Variants in CNTN4 observed in about 807,000 individuals in gnomAD.
CNTN4 encodes contactin 4.
In CNTN4, 77 loss-of-function variants were observed where a neutral mutation model predicts 122.5. The observed-to-expected ratio is 0.63, with a 90% confidence interval of 0.52 to 0.76. CNTN4 has a LOEUF of 0.76. Among genes scored for constraint, CNTN4 ranks in the 30% least tolerant of loss-of-function variants. The pLI is 0.00. For synonymous variants in CNTN4, 512 were observed against 447.0 expected, an observed-to-expected ratio of 1.15 and a Z score of -1.83; for missense variants, 1,256 against 1,259.1, an observed-to-expected ratio of 1.00 and a Z score of 0.04.
rs75102136 is a variant in CNTN4, at chr3:2,844,573, C to A, written c.455-22179C>A. On this transcript the variant is annotated intron_variant, in intron 7 of 24. Coordinates refer to ENST00000418658, the MANE Select transcript of CNTN4 (RefSeq NM_175607.3). ...ACCCATATTATGTAATTGAGGGACA[C>A]CTACAGAAACGATCTCTTTCCCCTT... 3.3e-3 allele frequency among the ~76,000 whole-genome samples: 499 copies of A among 152,266 alleles called. 5 individuals carry two copies. The highest frequency in any genetic ancestry group is 0.012 in the African/African-American group (483 of 41,554).
chr3:2,985,831 A>G (rs1279194825), intron 13 of CNTN4, among the ~76,000 whole-genome samples: 1 of 152,212 alleles, frequency 6.6e-6, no homozygotes, highest in African/African-American at 2.4e-5. Flanking sequence ...AGGCTGATGT[A>G]ATTACTATAT....
chr3:2,220,966 C>T (rs1437348421), intron 2 of CNTN4, among the ~76,000 whole-genome samples: 1 of 152,046 alleles, frequency 6.6e-6, no homozygotes, highest in East Asian at 1.9e-4. Flanking sequence ...AATCTTGATG[C>T]ACATTAATAC....
At chr3:2,885,084 T>G (rs191334126) in intron 9 of CNTN4, among the ~76,000 whole-genome samples, 170 of 152,316 alleles carry the variant, frequency 1.1e-3, no homozygotes, top group Non-Finnish European at 2.1e-3. Flanking sequence ...ACAAATATAG[T>G]AGAGTTGATG....
At chr3:2,533,313 G>A (rs1157025020) in intron 3 of CNTN4, among the ~76,000 whole-genome samples, 4 of 151,730 alleles carry the variant, frequency 2.6e-5, no homozygotes, top group Non-Finnish European at 5.9e-5. Flanking sequence ...GCCCTGGTGT[G>A]TGATGTTCCT....
At chr3:2,222,575 C>G (rs1331795350) in intron 2 of CNTN4, among the ~76,000 whole-genome samples, 1 of 151,478 alleles carries the variant, frequency 6.6e-6, no homozygotes, top group Non-Finnish European at 1.5e-5. Context: ...GAATTGTATA[C>G]TTTGAAGGAG....
chr3:2,124,693 G>A (rs77717016), intron 2 of CNTN4, among the ~76,000 whole-genome samples: 1 of 152,056 alleles, frequency 6.6e-6, no homozygotes, highest in African/African-American at 2.4e-5. Context: ...AGGTTCCCTT[G>A]TGCCAGGAGG....
intron 3 of CNTN4, among the ~76,000 whole-genome samples, chr3:2,495,791 T>C (rs780048165): frequency 5.9e-5 from 9 of 152,206 alleles, no homozygotes; most frequent in Non-Finnish European, 1.2e-4. Context: ...TTGTCTTCCA[T>C]GAAACCAGTC....
At chr3:2,884,031 A>G (rs747074747) in intron 9 of CNTN4, among the ~76,000 whole-genome samples, 27 of 152,098 alleles carry the variant, frequency 1.8e-4, no homozygotes, top group Admixed American at 2.6e-4. Flanking sequence ...AGCCCCATCT[A>G]TCTGACGAAT....
At chr3:2,544,401 A>G (rs1208436275) in intron 3 of CNTN4, among the ~76,000 whole-genome samples, 1 of 152,144 alleles carries the variant, frequency 6.6e-6, no homozygotes, top group Non-Finnish European at 1.5e-5. Flanking sequence ...TGAATAGAAT[A>G]TTGCCCAGTC....
At chr3:2,524,481 G>C (rs915349687) in intron 3 of CNTN4, among the ~76,000 whole-genome samples, 1 of 152,088 alleles carries the variant, frequency 6.6e-6, no homozygotes, top group Non-Finnish European at 1.5e-5. Context: ...ATACACCTAG[G>C]AGTGGAATTG....
intron 2 of CNTN4, among the ~76,000 whole-genome samples, chr3:2,260,735 T>TTC (rs1553611211): frequency 6.7e-6 from 1 of 149,400 alleles, no homozygotes; most frequent in Non-Finnish European, 1.5e-5. Context: ...TTTATTTATT[T>TTC]TTTTTTTGAG....
At chr3:2,685,524 A>T (rs575319587) in intron 4 of CNTN4, among the ~76,000 whole-genome samples, 1 of 152,308 alleles carries the variant, frequency 6.6e-6, no homozygotes, top group Admixed American at 6.5e-5. Context: ...AGAAAAATTG[A>T]AGGGTCCTTC....
intron 14 of CNTN4, among the ~76,000 whole-genome samples, chr3:3,015,644 G>C (rs986403995): frequency 3.9e-5 from 6 of 152,130 alleles, no homozygotes; most frequent in African/African-American, 1.2e-4. Flanking sequence ...CAGAAAAAGA[G>C]GGACACTCTC....
chr3:2,147,630 C>T (rs1401659646), intron 2 of CNTN4, among the ~76,000 whole-genome samples: 1 of 152,154 alleles, frequency 6.6e-6, no homozygotes, highest in Non-Finnish European at 1.5e-5. Context: ...GTCAGTGCTT[C>T]AATCCCATTA....
chr3:3,008,319 C>G (rs904736699), intron 14 of CNTN4, among the ~76,000 whole-genome samples: 1 of 152,108 alleles, frequency 6.6e-6, no homozygotes, highest in Admixed American at 6.5e-5. Context: ...CGTTAGGCCA[C>G]AGAACACGAA....
rs557588373 is a variant in CNTN4 at position 2,889,023 on chromosome 3, A to G, written c.940+1799A>G. Among the ~76,000 whole-genome samples, 166 of 152,084 alleles carry G rather than the reference A, an allele frequency of 1.1e-3. 1 individual carries two copies. The highest frequency in any genetic ancestry group is 3.7e-3 in the African/African-American group (152 of 41,456). ...CAAAAAGAAAGAAAGAAATGGAAGG[A>G]AGGGAGGGAGGGAGGGAAAGGGAAA... On this transcript the variant is annotated intron_variant, in intron 10 of 24. Transcript: ENST00000418658.
At chr3:2,912,494 T>A (rs2094311492) in intron 12 of CNTN4, among the ~76,000 whole-genome samples, 1 of 152,210 alleles carries the variant, frequency 6.6e-6, no homozygotes, top group Non-Finnish European at 1.5e-5. Context: ...TATGAAAATT[T>A]AAAACTCCTA....
chr3:2,932,153 G>A (rs543936618), intron 13 of CNTN4, among the ~76,000 whole-genome samples: 62 of 152,200 alleles, frequency 4.1e-4, no homozygotes, highest in South Asian at 3.3e-3. Context: ...CGAGGCAGGC[G>A]GATCACGAGG....
chr3:2,523,607 C>T (rs1249902145), intron 3 of CNTN4, among the ~76,000 whole-genome samples: 1 of 151,928 alleles, frequency 6.6e-6, no homozygotes, highest in Non-Finnish European at 1.5e-5. Flanking sequence ...TGGCTTTGAA[C>T]TTGAAAAAGG....
Sources: gnomAD v4.1 joint callset for allele counts (sites outside exome capture counted in the v4.1 genomes callset) on GRCh38, gnomAD v4.1.1 for gene constraint, MANE v1.5 for transcripts, NCBI Gene and HGNC (gene_info 2026-07-23, HGNC 2026-07-21) for gene names.